The following CTNNA3 variants were observed in gnomAD, a reference collection of about 807,000 sequenced individuals.
The protein encoded by CTNNA3 is catenin alpha-3.
In CTNNA3, 76 loss-of-function variants were observed where a neutral mutation model predicts 95.7. The ratio of observed to expected loss-of-function variants is 0.79; its 90% CI spans 0.66 to 0.96. The LOEUF is 0.96. CTNNA3 is among the 40% of genes least tolerant of loss of function. The pLI, the probability that CTNNA3 is intolerant of heterozygous loss-of-function variation, is 0.00. For missense variants in CTNNA3, 1,191 were observed against 1,089.8 expected (o/e 1.09, Z -1.31); for synonymous variants, 431 against 374.4 (o/e 1.15, Z -1.74).
At chr10:66,051,564 C>CA (rs1445750073) in intron 15 of CTNNA3, among the ~76,000 whole-genome samples, 1 of 152,144 alleles carries the variant, frequency 6.6e-6, no homozygotes, top group Non-Finnish European at 1.5e-5. Context: ...ACTTCAAAAA[C>CA]ATTTAGTGAT....
chr10:67,249,899 C>T (rs1436523853), intron 5 of CTNNA3, among the ~76,000 whole-genome samples: 1 of 152,176 alleles, frequency 6.6e-6, no homozygotes, highest in African/African-American at 2.4e-5. Flanking sequence ...AAAACCCACA[C>T]AGACATGGGT....
In CTNNA3 at chr10:66,712,613, C is replaced by CACACACACACACACACACACAT. The variant is rs1848332801; in HGVS notation, c.1281+53650_1281+53651insATGTGTGTGTGTGTGTGTGTGT. The stretch of plus-strand genomic sequence containing the variant: ...TCTCCCTCTCTCTCTCTCTCTCACA[C>CACACACACACACACACACACAT]ACACAGCAAGAGACATTTGAATATA... On this transcript the variant is annotated intron_variant, in intron 9 of 17. Coordinates refer to ENST00000433211, the MANE Select transcript of CTNNA3 (RefSeq NM_013266.4). Among the ~76,000 whole-genome samples, 3 of 152,206 alleles carry CACACACACACACACACACACAT rather than the reference C, an allele frequency of 2.0e-5. No homozygotes were observed. In the South Asian group the frequency reaches 6.2e-4, roughly 32 times the overall value.
chr10:67,187,654 T>C (rs1862919991), intron 6 of CTNNA3, among the ~76,000 whole-genome samples: 1 of 152,106 alleles, frequency 6.6e-6, no homozygotes, highest in Middle Eastern at 3.2e-3. Context: ...TGTGCAATGA[T>C]GGCTCACTGC....
chr10:67,028,240 TTTGTTG>T (rs1330984749), intron 7 of CTNNA3, among the ~76,000 whole-genome samples: 1 of 152,154 alleles, frequency 6.6e-6, no homozygotes. Flanking sequence ...TCATTGTTTG[TTTGTTG>T]TTGTTGTTAT....
At chr10:67,179,512 A>C (rs1310663063) in intron 7 of CTNNA3, among the ~76,000 whole-genome samples, 1 of 151,542 alleles carries the variant, frequency 6.6e-6, no homozygotes, top group Non-Finnish European at 1.5e-5. Context: ...AAAAAAAAAA[A>C]AACTAGACAC....
At chr10:66,367,172 T>G (rs2092716114) in intron 12 of CTNNA3, among the ~76,000 whole-genome samples, 1 of 152,166 alleles carries the variant, frequency 6.6e-6, no homozygotes, top group Non-Finnish European at 1.5e-5. Flanking sequence ...AGCCATGCTA[T>G]GTAACTGGTT....
intron 7 of CTNNA3, among the ~76,000 whole-genome samples, chr10:66,950,952 C>T (rs1011367696): frequency 2.0e-5 from 3 of 152,124 alleles, no homozygotes; most frequent in Non-Finnish European, 4.4e-5. Context: ...TCTCTTGTCA[C>T]TGTGCAGAAA....
intron 11 of CTNNA3, among the ~76,000 whole-genome samples, chr10:66,427,270 C>T (rs1193302058): frequency 4.6e-5 from 7 of 151,884 alleles, no homozygotes; most frequent in African/African-American, 9.7e-5. Context: ...CTTCTCACTG[C>T]CATGTGTTTC....
intron 7 of CTNNA3, among the ~76,000 whole-genome samples, chr10:67,044,475 A>G (rs750823857): frequency 9.2e-5 from 14 of 152,188 alleles, no homozygotes; most frequent in Non-Finnish European, 2.9e-5. Context: ...TCTAAAATTT[A>G]AATGCAATGT....
chr10:66,932,702 G>T (rs112824712), intron 7 of CTNNA3, among the ~76,000 whole-genome samples: 1 of 16,934 alleles, frequency 5.9e-5, no homozygotes, highest in East Asian at 1.5e-3. Context: ...ATGAATTAAA[G>T]AAATAATAAT....
rs537288936 is a variant in CTNNA3 at position 67,594,769 on chromosome 10, G to A, written c.292+12088C>T. On this transcript the variant is annotated intron_variant, in intron 3 of 17. Coordinates refer to ENST00000433211, the MANE Select transcript of CTNNA3 (RefSeq NM_013266.4). ...TCCATGAGTTTTGGAGGAACAGGTG[G>A]CATTTGGTTACATGAGTAAGTTCTT... Among the ~76,000 whole-genome samples the A allele has an allele frequency of 1.2e-4, 18 of 151,966 alleles. No individual in the cohort carries two copies. In the South Asian group the frequency reaches 2.1e-3, roughly 18 times the overall value.
At position 67,013,533 on chromosome 10, in the gene CTNNA3, C is replaced by T. The variant is rs140520541; in HGVS notation, c.1047+166784G>A. ...AAAAGTCACATTAAAACACTTTATA[C>T]TGAACTATACCATGACCTCGGCAAA... On this transcript the variant is annotated intron_variant, in intron 7 of 17. Coordinates refer to ENST00000433211, the MANE Select transcript of CTNNA3 (RefSeq NM_013266.4). Among the ~76,000 whole-genome samples the T allele has an allele frequency of 2.0e-5, 3 of 152,290 alleles. No homozygotes were observed. In the East Asian group the frequency reaches 5.8e-4, roughly 29 times the overall value.
intron 10 of CTNNA3, among the ~76,000 whole-genome samples, chr10:66,557,794 AC>A (rs1842436900): frequency 1.3e-5 from 2 of 152,112 alleles, no homozygotes; most frequent in African/African-American, 4.8e-5. Flanking sequence ...TTTTCATAAG[AC>A]ACTAAGCCTT....
chr10:66,876,691 AAC>A (rs1844635520), intron 7 of CTNNA3, among the ~76,000 whole-genome samples: 1 of 50,230 alleles, frequency 2.0e-5, no homozygotes, highest in Admixed American at 1.6e-4. Flanking sequence ...AACAATGTTT[AAC>A]CTTAGCAGGA....
intron 5 of CTNNA3, among the ~76,000 whole-genome samples, chr10:67,474,174 T>C (rs556016092): frequency 2.0e-5 from 3 of 152,336 alleles, no homozygotes; most frequent in Admixed American, 2.0e-4. Context: ...TTCAGGTATA[T>C]GCAAATACTA....
At chr10:66,962,513 G>A (rs540580183) in intron 7 of CTNNA3, among the ~76,000 whole-genome samples, 115 of 151,668 alleles carry the variant, frequency 7.6e-4, no homozygotes, top group African/African-American at 2.5e-3. Flanking sequence ...GGGTTCAAGC[G>A]ATTCTCCTGC....
chr10:66,235,634 T>C (rs1218954693), intron 13 of CTNNA3, among the ~76,000 whole-genome samples: 2 of 152,090 alleles, frequency 1.3e-5, no homozygotes, highest in Non-Finnish European at 2.9e-5. Context: ...TTTTCGTGGA[T>C]AGTTCTAAGT....
chr10:67,455,122 C>G (rs1393489810), intron 5 of CTNNA3, among the ~76,000 whole-genome samples: 3 of 152,090 alleles, frequency 2.0e-5, no homozygotes, highest in African/African-American at 7.2e-5. Flanking sequence ...TTCGATTGTA[C>G]TTTCTATTAT....
chr10:67,524,257 G>A (rs1308278207), intron 4 of CTNNA3, among the ~76,000 whole-genome samples: 2 of 152,040 alleles, frequency 1.3e-5, no homozygotes, highest in Non-Finnish European at 2.9e-5. Context: ...CAAAAAATTA[G>A]CCAGGAGAGG....
Sources: gnomAD v4.1 joint callset for allele counts (sites outside exome capture counted in the v4.1 genomes callset) on GRCh38, gnomAD v4.1.1 for gene constraint, MANE v1.5 for transcripts, NCBI Gene and HGNC (gene_info 2026-07-23, HGNC 2026-07-21) for gene names.